SNX33: variants seen among roughly 807,000 people sequenced by gnomAD.
SNX33 encodes sorting nexin 33, also known as sorting nexin-33.
Under a neutral mutation model 38.8 loss-of-function variants are expected in SNX33, and 19 were observed. That is an observed-to-expected ratio of 0.49 (90% CI 0.34 to 0.72). SNX33 has a LOEUF of 0.72. Among genes scored for constraint, SNX33 ranks in the 30% least tolerant of loss-of-function variants. The probability of loss-of-function intolerance (pLI) is 0.01; values close to 1 mark genes in which losing one functional copy is unlikely to be tolerated. For missense variants in SNX33, 641 were observed against 776.4 expected (o/e 0.83, Z 2.07); for synonymous variants, 246 against 289.7 (o/e 0.85, Z 1.53).
At chr15:75,656,131 T>C (rs939847465) in intron 1 of SNX33, among the ~76,000 whole-genome samples, 2 of 152,040 alleles carry the variant, frequency 1.3e-5, no homozygotes, top group African/African-American at 2.4e-5. Flanking sequence ...AGGGCGTGCA[T>C]GTCTGGGAGA....
Position 75,649,949 on chromosome 15 carries a change from G to A in SNX33, c.847G>A (p.Val283Ile), listed in dbSNP as rs1396138438. 1.9e-6 allele frequency: 3 copies of A among 1,604,622 alleles called. No homozygotes were observed. The highest frequency in any genetic ancestry group is 1.7e-6 in the Non-Finnish European group (2 of 1,175,840). ...LYNRLLHKFTVISVPHLPEKQ... is the reference protein window; with the variant it reads ...LYNRLLHKFTIISVPHLPEKQ... ...TAACCGCCTGCTACACAAGTTCACT[G>A]TCATCTCGGTGCCCCACCTGCCTGA... Residue 283 changes from valine (V) to isoleucine (I), a missense_variant, in exon 1 of 2, where the codon GTC (valine) becomes ATC (isoleucine). Transcript: ENST00000308527. This position sits in a 1 kb window ranked among gnomAD's most constrained non-coding sequence, Gnocchi z 6.6.
In SNX33 at chr15:75,648,297, C is replaced by T; in HGVS notation, c.-806C>T. Reference sequence around the variant, plus strand: ...GCTAGAAGTCGCCCGACAGCCTCGTCGCGCCCCCTCCTTCCTCCGGGGTTG... The same window carrying T: ...GCTAGAAGTCGCCCGACAGCCTCGTTGCGCCCCCTCCTTCCTCCGGGGTTG... On this transcript the variant is annotated 5_prime_UTR_variant, in exon 1 of 2. Coordinates refer to ENST00000308527, the MANE Select transcript of SNX33 (RefSeq NM_153271.2). This position sits in a 1 kb window ranked among gnomAD's most constrained non-coding sequence, Gnocchi z 4.4. 3 of 985,274 alleles carry T rather than the reference C, an allele frequency of 3.0e-6. No individual in the cohort carries two copies. In the South Asian group the frequency reaches 1.4e-4, roughly 46 times the overall value. The allele number at this position is 985,274 out of a possible 1,614,324, so 61.0% of individuals were successfully genotyped here.
Position 75,650,394 on chromosome 15 carries a change from A to AC in SNX33, c.1299dup (p.Phe434LeufsTer4), listed in dbSNP as rs747082791. On this transcript the variant is annotated frameshift_variant, in exon 1 of 2. Coordinates refer to ENST00000308527, the MANE Select transcript of SNX33 (RefSeq NM_153271.2). LOFTEE classifies it high-confidence loss of function. This position sits in a 1 kb window ranked among gnomAD's most constrained non-coding sequence, Gnocchi z 6.1. Reference sequence around the variant, plus strand: ...GCCATCAGTCATTCCTTCCAGATGGACCCCCCCTTTTGCTCTGAGGCCCTC... The same window carrying AC: ...GCCATCAGTCATTCCTTCCAGATGGACCCCCCCCTTTTGCTCTGAGGCCCTC... The AC allele has an allele frequency of 1.9e-6, 3 of 1,608,912 alleles. No homozygotes were observed. The highest frequency in any genetic ancestry group is 1.7e-6 in the Non-Finnish European group (2 of 1,177,958).
Position 75,648,117 on chromosome 15 carries a change from C to A in SNX33, c.-986C>A. ...AAACTGTTGAGTGTGTGCGTGCACG[C>A]GAGGGTGGTGATCGGGGGTCGTAAG... On this transcript the variant is annotated 5_prime_UTR_variant, in exon 1 of 2. Transcript: ENST00000308527. This position sits in a 1 kb window ranked among gnomAD's most constrained non-coding sequence, Gnocchi z 4.4. 1 of 985,462 alleles carries A rather than the reference C, an allele frequency of 1.0e-6. No individual in the cohort carries two copies. The highest frequency in any genetic ancestry group is 1.7e-5 in the African/African-American group (1 of 57,342). The allele number at this position is 985,462 out of a possible 1,614,324, so 61.0% of individuals were successfully genotyped here.
rs367776246 is a variant in SNX33, at chr15:75,649,277, G to A, written c.175G>A (p.Val59Ile). 149 of 1,612,946 alleles carry A rather than the reference G, an allele frequency of 9.2e-5. No individual in the cohort carries two copies. Among genetic ancestry groups the A allele is most frequent in the Admixed American group, 1.8e-4 (11 of 59,850 alleles). Residue 59 changes from valine to isoleucine, a missense_variant, in exon 1 of 2, where the codon GTC (valine) becomes ATC (isoleucine). By Grantham distance (29) the Val-to-Ile change is conservative. Coordinates refer to ENST00000308527, the MANE Select transcript of SNX33 (RefSeq NM_153271.2). This position sits in a 1 kb window ranked among gnomAD's most constrained non-coding sequence, Gnocchi z 6.6. ...CTTTCCTGCCTCTTATGTGGAGATC[G>A]TCCGTTCTGGCATCAGCACCAACCA... ...GLFPASYVEIVRSGISTNHAD... is the reference protein window; with the variant it reads ...GLFPASYVEIIRSGISTNHAD...
Position 75,649,089 on chromosome 15 carries a change from C to T in SNX33, c.-14C>T. On this transcript the variant is annotated 5_prime_UTR_variant, in exon 1 of 2. Coordinates refer to ENST00000308527, the MANE Select transcript of SNX33 (RefSeq NM_153271.2). The surrounding 1 kb of genome is among the most constrained non-coding windows in gnomAD (Gnocchi z 6.6). ...CCCTCTCCTTCCCATCTTTCTATAC[C>T]ACCCAGCCCAGCCATGGCACTGAAA... 1.3e-6 allele frequency: 2 copies of T among 1,565,650 alleles called. No homozygotes were observed. The highest frequency in any genetic ancestry group is 4.5e-5 in the East Asian group (2 of 44,328).
Position 75,660,941 on chromosome 15 carries a change from A to G in SNX33, c.*3726A>G, listed in dbSNP as rs764837090. The G allele has an allele frequency of 2.0e-5, 3 of 152,174 alleles. No individual in the cohort carries two copies. The highest frequency in any genetic ancestry group is 4.4e-5 in the Non-Finnish European group (3 of 68,052). 9.4% of individuals were successfully genotyped at this position (152,174 alleles called of 1,614,324 possible). A position where few individuals can be genotyped will look rare whatever the true frequency, so the allele number is the denominator to read the frequency against. On this transcript the variant is annotated 3_prime_UTR_variant, in exon 2 of 2. Coordinates refer to ENST00000308527, the MANE Select transcript of SNX33 (RefSeq NM_153271.2). ...CTAGGGATGCAATTGGGATGACTGG[A>G]TACCACCAAGTTCAGCTCCTTATTG...
chr15:75,649,164 T>C lies in SNX33; in HGVS notation c.62T>C (p.Ile21Thr). 6.2e-7 allele frequency: 1 copy of C among 1,613,612 alleles called. No individual in the cohort carries two copies. Among genetic ancestry groups the C allele is most frequent in the Non-Finnish European group, 8.5e-7 (1 of 1,179,702 alleles). ...FHSENKEEIS[I>T]QQDEDLVIFS... ...AGTGAGAACAAGGAGGAAATCAGCA[T>C]CCAGCAGGATGAGGACCTGGTCATC... Residue 21 changes from isoleucine to threonine, a missense_variant, in exon 1 of 2, where the codon ATC becomes ACC. Physicochemically the swap from Ile to Thr is moderately conservative, Grantham distance 89. Transcript: ENST00000308527. The surrounding 1 kb of genome is among the most constrained non-coding windows in gnomAD (Gnocchi z 6.6).
In SNX33 at chr15:75,657,595, T is replaced by C. The variant is rs561624825; in HGVS notation, c.*380T>C. On this transcript the variant is annotated 3_prime_UTR_variant, in exon 2 of 2. Transcript: ENST00000308527. The surrounding 1 kb of genome is among the most constrained non-coding windows in gnomAD (Gnocchi z 5.5). ...AGGCCTGCTGCACCCTTGGGTCGGA[T>C]GCTGGGCACCCAGGGCTGTGACATG... The C allele has an allele frequency of 7.0e-4, 207 of 296,790 alleles. No homozygotes were observed. The highest frequency in any genetic ancestry group is 3.5e-3 in the Middle Eastern group (3 of 856). 18.4% of individuals were successfully genotyped at this position (296,790 alleles called of 1,614,324 possible).
At chr15:75,654,570 GT>G (rs1893629473) in intron 1 of SNX33, among the ~76,000 whole-genome samples, 1 of 152,214 alleles carries the variant, frequency 6.6e-6, no homozygotes, top group African/African-American at 2.4e-5. Context: ...GACCCAGCCT[GT>G]AAGAGGAGTG....
chr15:75,655,589 A>T (rs898502027), intron 1 of SNX33, among the ~76,000 whole-genome samples: 3 of 152,234 alleles, frequency 2.0e-5, no homozygotes, highest in Admixed American at 2.0e-4. Flanking sequence ...CCCCTTCTAA[A>T]GGCATCCAGA....
Position 75,650,222 on chromosome 15 carries a change from G to A in SNX33, c.1120G>A (p.Val374Met), listed in dbSNP as rs1312282888. The A allele has an allele frequency of 6.3e-6, 10 of 1,591,304 alleles. No homozygotes were observed. Among genetic ancestry groups the A allele is most frequent in the African/African-American group, 1.3e-5 (1 of 74,330 alleles). ...IPTEHQDLQD[V>M]EDRVDTFKAF... ...CACCGAGCACCAGGACTTGCAGGACGTGGAAGATCGCGTGGACACTTTCAA... is the reference window on the plus strand; with the variant it reads ...CACCGAGCACCAGGACTTGCAGGACATGGAAGATCGCGTGGACACTTTCAA... Residue 374 changes from valine to methionine, a missense_variant, in exon 1 of 2, where the codon GTG becomes ATG. Physicochemically the swap from Val to Met is conservative, Grantham distance 21. Transcript: ENST00000308527. This position sits in a 1 kb window ranked among gnomAD's most constrained non-coding sequence, Gnocchi z 6.1.
intron 1 of SNX33, among the ~76,000 whole-genome samples, chr15:75,656,677 C>A (rs1893655584): frequency 6.6e-6 from 1 of 152,146 alleles, no homozygotes; most frequent in African/African-American, 2.4e-5. Context: ...AGGCTCTATC[C>A]TCATTGAATT....
At chr15:75,656,194 T>G (rs1555407393) in intron 1 of SNX33, among the ~76,000 whole-genome samples, 3 of 148,080 alleles carry the variant, frequency 2.0e-5, no homozygotes, top group Non-Finnish European at 1.5e-5. Context: ...GTGATGGGGG[T>G]GGGGGTGGGG....
rs1490204220 is a variant in SNX33 at position 75,649,391 on chromosome 15, G to T, written c.289G>T (p.Gly97Cys). 26 of 1,546,778 alleles carry T rather than the reference G, an allele frequency of 1.7e-5. No homozygotes were observed. Among genetic ancestry groups the T allele is most frequent in the Non-Finnish European group, 2.1e-5 (24 of 1,144,374 alleles). Residue 97 changes from glycine to cysteine, a missense_variant, in exon 1 of 2, where the codon GGT becomes TGT. Around this residue, in one of 2 missense-constraint regions of SNX33, gnomAD observed 243 missense variants for 233.9 expected, o/e 1.04. Coordinates refer to ENST00000308527, the MANE Select transcript of SNX33 (RefSeq NM_153271.2). This position sits in a 1 kb window ranked among gnomAD's most constrained non-coding sequence, Gnocchi z 6.6. The part of the protein sequence containing the change: ...SPSVASPARS[G>C]GGSGFLSNQG... ...CAGTGTGGCCAGCCCAGCTAGGAGT[G>T]GTGGGGGCAGTGGCTTCCTCTCAAA...
intron 1 of SNX33, among the ~76,000 whole-genome samples, chr15:75,654,275 C>T (rs1392430610): frequency 1.3e-5 from 2 of 152,090 alleles, no homozygotes; most frequent in East Asian, 1.9e-4. Flanking sequence ...TGTGGAAACT[C>T]CTTAAAGCAC....
rs2141403088 is a variant in SNX33 at position 75,662,093 on chromosome 15, C to T, written c.*4878C>T. Reference sequence around the variant, plus strand: ...CCCACATGGTAGAAGTGTAATCTCACATCAATTTGGGGACCCTTTCTTTCC... The same window carrying T: ...CCCACATGGTAGAAGTGTAATCTCATATCAATTTGGGGACCCTTTCTTTCC... On this transcript the variant is annotated 3_prime_UTR_variant, in exon 2 of 2. Coordinates refer to ENST00000308527, the MANE Select transcript of SNX33 (RefSeq NM_153271.2). The T allele has an allele frequency of 6.6e-6, 1 of 152,288 alleles. No homozygotes were observed. Among genetic ancestry groups the T allele is most frequent in the South Asian group, 2.1e-4 (1 of 4,830 alleles). 9.4% of individuals were successfully genotyped at this position (152,288 alleles called of 1,614,324 possible). A position where few individuals can be genotyped will look rare whatever the true frequency, so the allele number is the denominator to read the frequency against.
In SNX33 at chr15:75,649,774, G is replaced by A. The variant is rs1441932360; in HGVS notation, c.672G>A (p.Lys224=). The A allele has an allele frequency of 6.6e-7, 1 of 1,521,136 alleles. No individual in the cohort carries two copies. The allele number at this position is 1,521,136 out of a possible 1,614,324, so 94.2% of individuals were successfully genotyped here. The change falls in exon 1 of 2, where the codon AAG becomes AAA. Residue 224 remains lysine (K), a synonymous_variant. Coordinates refer to ENST00000308527, the MANE Select transcript of SNX33 (RefSeq NM_153271.2). This position sits in a 1 kb window ranked among gnomAD's most constrained non-coding sequence, Gnocchi z 6.6. ...IEMGPRGPQW[K]ANPHPFACSV... ...TGGGCCCTCGTGGCCCCCAGTGGAA[G>A]GCCAATCCCCACCCATTTGCCTGCT... is the stretch of plus-strand genomic sequence containing the variant.
chr15:75,650,606 G>T lies in SNX33; in HGVS notation c.1471+33G>T. On this transcript the variant is annotated intron_variant, in intron 1 of 1. Coordinates refer to ENST00000308527, the MANE Select transcript of SNX33 (RefSeq NM_153271.2). This position sits in a 1 kb window ranked among gnomAD's most constrained non-coding sequence, Gnocchi z 6.1. ...CCAGTGCAGGCAGGAAACTCGTCCT[G>T]AGTCTGGCTCTCTGCTGGGCCCTGG... The T allele has an allele frequency of 6.4e-7, 1 of 1,552,328 alleles. No individual in the cohort carries two copies. Among genetic ancestry groups the T allele is most frequent in the South Asian group, 1.2e-5 (1 of 80,174 alleles).
Sources: allele counts gnomAD v4.1 joint callset (sites outside exome capture counted in the v4.1 genomes callset), GRCh38; gene constraint gnomAD v4.1.1; regional missense constraint gnomAD v4.1.1; non-coding constraint Gnocchi (gnomAD v3.1); transcripts MANE v1.5; gene names NCBI Gene and HGNC (gene_info 2026-07-23, HGNC 2026-07-21).